TNRC6B: variants seen among roughly 807,000 people sequenced by gnomAD.
TNRC6B encodes trinucleotide repeat-containing gene 6B protein.
Under a neutral mutation model 203.6 loss-of-function variants are expected in TNRC6B, and 52 were observed. That is an observed-to-expected ratio of 0.26 (90% CI 0.20 to 0.32). TNRC6B has a LOEUF of 0.32. Among genes scored for constraint, TNRC6B ranks in the 10% least tolerant of loss-of-function variants. The pLI is 1.00. For missense variants in TNRC6B, 1,923 were observed against 2,286.2 expected (o/e 0.84, Z 3.24); for synonymous variants, 838 against 845.7 (o/e 0.99, Z 0.16).
chr22:40,063,699 CT>C (rs1190948494), intron 1 of TNRC6B, among the ~76,000 whole-genome samples: 2 of 148,864 alleles, frequency 1.3e-5, no homozygotes, highest in Non-Finnish European at 3.0e-5. Flanking sequence ...TTCTTTTTTT[CT>C]TTTTTTTCGT....
chr22:40,229,590 TTTATCAC>T (rs2069839510), intron 1 of TNRC6B, among the ~76,000 whole-genome samples: 1 of 152,076 alleles, frequency 6.6e-6, no homozygotes, highest in South Asian at 2.1e-4. Context: ...CTCTTGCCCA[TTTATCAC>T]CCCTCTCTGC....
At chr22:40,299,563 A>C (rs1046799661) in intron 12 of TNRC6B, among the ~76,000 whole-genome samples, 1 of 151,866 alleles carries the variant, frequency 6.6e-6, no homozygotes, top group African/African-American at 2.4e-5. Context: ...TAACCTTTTT[A>C]TTTTTTTAAA....
At chr22:40,252,213 C>A (rs2070205551) in intron 3 of TNRC6B, among the ~76,000 whole-genome samples, 1 of 152,202 alleles carries the variant, frequency 6.6e-6, no homozygotes, top group Admixed American at 6.5e-5. Context: ...GCATAAGAAT[C>A]ATTTGCATAA....
chr22:40,296,611 C>A (rs975854414), intron 12 of TNRC6B, among the ~76,000 whole-genome samples: 1 of 150,236 alleles, frequency 6.7e-6, no homozygotes, highest in Admixed American at 6.6e-5. Context: ...GGATTACAGG[C>A]GTGAGCCACC....
chr22:40,233,482 C>T (rs943357544), intron 1 of TNRC6B, among the ~76,000 whole-genome samples: 45 of 150,362 alleles, frequency 3.0e-4, no homozygotes, highest in African/African-American at 1.1e-3. Flanking sequence ...ATTAGCCCAG[C>T]GTGGTTTCAT....
In TNRC6B at chr22:40,199,757, G is replaced by A. The variant is rs949356560; in HGVS notation, c.5+21617G>A. On this transcript the variant is annotated intron_variant, in intron 1 of 22. Coordinates refer to ENST00000454349, the MANE Select transcript of TNRC6B (RefSeq NM_001162501.2). ...CGTTAATGTTCTGATTTTGATGGTT[G>A]TATTATGGTTATGTAGGACTGTGGT... Among the ~76,000 whole-genome samples, 5 of 150,750 alleles carry A rather than the reference G, an allele frequency of 3.3e-5. No homozygotes were observed. The South Asian group carries it at 1.0e-3, about 31-fold the overall frequency.
chr22:40,085,616 G>C (rs557550159), intron 1 of TNRC6B, among the ~76,000 whole-genome samples: 7 of 152,272 alleles, frequency 4.6e-5, no homozygotes, highest in Non-Finnish European at 7.4e-5. Context: ...GTTATATCCA[G>C]AGGAGGCTTG....
chr22:40,052,858 T>C (rs2146264446), intron 1 of TNRC6B, among the ~76,000 whole-genome samples: 1 of 152,328 alleles, frequency 6.6e-6, no homozygotes, highest in Non-Finnish European at 1.5e-5. Flanking sequence ...TAGTAGGCAG[T>C]GTGTAAATGT....
At chr22:40,263,816 C>T (rs2070426217) in intron 4 of TNRC6B, among the ~76,000 whole-genome samples, 1 of 152,180 alleles carries the variant, frequency 6.6e-6, no homozygotes, top group Non-Finnish European at 1.5e-5. Context: ...AGCTCAGTGG[C>T]TCAGTGGGTA....
At chr22:40,115,486 C>T in intron 1 of TNRC6B, among the ~76,000 whole-genome samples, 1 of 152,100 alleles carries the variant, frequency 6.6e-6, no homozygotes, top group East Asian at 1.9e-4. Flanking sequence ...AATTAGGGGA[C>T]CCATCCACAT....
chr22:40,058,458 G>A (rs2067820291), intron 1 of TNRC6B, among the ~76,000 whole-genome samples: 1 of 147,418 alleles, frequency 6.8e-6, no homozygotes, highest in Non-Finnish European at 1.5e-5. Flanking sequence ...GCACATTGTG[G>A]CGCCAGCCTG....
chr22:40,248,086 A>G (rs2070134115), intron 2 of TNRC6B, among the ~76,000 whole-genome samples: 2 of 152,012 alleles, frequency 1.3e-5, no homozygotes, highest in South Asian at 4.1e-4. Flanking sequence ...AGAAAAAAAA[A>G]AAAAAACCAT....
chr22:40,072,340 G>A (rs981437362), intron 1 of TNRC6B, among the ~76,000 whole-genome samples: 1 of 152,180 alleles, frequency 6.6e-6, no homozygotes, highest in Non-Finnish European at 1.5e-5. Context: ...CACCAAGTCA[G>A]TTGTTCTCAA....
At chr22:40,104,718 A>G (rs1011237712) in intron 1 of TNRC6B, among the ~76,000 whole-genome samples, 3 of 152,204 alleles carry the variant, frequency 2.0e-5, no homozygotes, top group Non-Finnish European at 4.4e-5. Flanking sequence ...GTGTCAGAGT[A>G]TATTGATGAT....
chr22:40,302,565 G>T lies in TNRC6B; in HGVS notation c.4120+1232G>T, dbSNP rs769631337. 2.0e-4 allele frequency among the ~76,000 whole-genome samples: 31 copies of T among 151,850 alleles called. 2 individuals are homozygous for T. Among genetic ancestry groups the T allele is most frequent in the Non-Finnish European group, 5.9e-5 (4 of 67,954 alleles). ...GGAGAATCACTTGAACCCGGGAGAC[G>T]GAGGTTGCAGTGAGCTGAGATTGTG... is the stretch of plus-strand genomic sequence containing the variant. On this transcript the variant is annotated intron_variant, in intron 15 of 22. Coordinates refer to ENST00000454349, the MANE Select transcript of TNRC6B (RefSeq NM_001162501.2).
chr22:40,063,714 T>A (rs1213543151), intron 1 of TNRC6B, among the ~76,000 whole-genome samples: 5 of 152,160 alleles, frequency 3.3e-5, no homozygotes, highest in African/African-American at 1.2e-4. Context: ...TTTTCGTTTT[T>A]GTTTTTGAGA....
rs377090630 is a variant in TNRC6B at position 40,230,625 on chromosome 22, A to G, written c.6-15390A>G. ...CCGGTTTTAAGATGGGGTTCTTTAT[A>G]TACTGTGTATATAAATTCTTTGTCA... On this transcript the variant is annotated intron_variant, in intron 1 of 22. Coordinates refer to ENST00000454349, the MANE Select transcript of TNRC6B (RefSeq NM_001162501.2). Among the ~76,000 whole-genome samples the G allele has an allele frequency of 9.2e-5, 14 of 152,130 alleles. No homozygotes were observed. In the East Asian group the frequency reaches 1.7e-3, roughly 19 times the overall value.
intron 1 of TNRC6B, among the ~76,000 whole-genome samples, chr22:40,061,186 TGAAAGGAAC>T (rs2067847438): frequency 6.6e-6 from 1 of 152,180 alleles, no homozygotes; most frequent in African/African-American, 2.4e-5. Flanking sequence ...TTTGTGCATT[TGAAAGGAAC>T]GTATGTCCGC....
At chr22:40,154,858 AAAATATATATATATATATATATAT>A (rs1418079928) in intron 3 of TNRC6B, among the ~76,000 whole-genome samples, 1 of 34,308 alleles carries the variant, frequency 2.9e-5, no homozygotes, top group South Asian at 1.2e-3. Context: ...AAAAAAAAAA[AAAATATATATATATATATATATAT>A]ATATATATAT....
Sources: gnomAD v4.1 joint callset for allele counts (sites outside exome capture counted in the v4.1 genomes callset) on GRCh38, gnomAD v4.1.1 for gene constraint, MANE v1.5 for transcripts, NCBI Gene and HGNC (gene_info 2026-07-23, HGNC 2026-07-21) for gene names.